The following SVEP1 variants were observed in gnomAD, a reference collection of about 807,000 sequenced individuals.
The protein encoded by SVEP1 is sushi, von Willebrand factor type A, EGF and pentraxin domain-containing protein 1.
A neutral mutation model predicts 367.3 loss-of-function variants in SVEP1; 164 were observed. The ratio of observed to expected loss-of-function variants is 0.45; its 90% CI spans 0.39 to 0.51. SVEP1 has a LOEUF of 0.51. Among genes scored for constraint, SVEP1 ranks in the 20% least tolerant of loss-of-function variants. The pLI is 0.00. For missense variants in SVEP1, 4,117 were observed against 4,425.3 expected, an observed-to-expected ratio of 0.93 and a Z score of 1.98; for synonymous variants, 1,666 against 1,611.6, an observed-to-expected ratio of 1.03 and a Z score of -0.81.
In SVEP1 at chr9:110,472,308, C is replaced by A; in HGVS notation, c.2615G>T (p.Gly872Val). The A allele has an allele frequency of 1.3e-6, 2 of 1,595,744 alleles. No individual in the cohort carries two copies. Among genetic ancestry groups the A allele is most frequent in the Non-Finnish European group, 1.7e-6 (2 of 1,174,342 alleles). ...AGAGTAATCCAGCCTATTAGCTGCA[C>A]CCCAGCCACCTGGTCCTGGATAGTC... ...NGFAIGPGGW[G>V]AANRLDYSYD... The change falls in exon 15 of 48, where the codon GGT (glycine) becomes GTT (valine). Residue 872 changes from glycine (G) to valine (V), a missense_variant. Transcript: ENST00000374469.
intron 40 of SVEP1, among the ~76,000 whole-genome samples, chr9:110,392,151 A>ATATATATC (rs1308038317): frequency 2.1e-5 from 3 of 146,000 alleles, no homozygotes; most frequent in African/African-American, 8.0e-5. Context: ...ATATATATAT[A>ATATATATC]TATCTCTTCT....
intron 36 of SVEP1, among the ~76,000 whole-genome samples, chr9:110,412,796 A>G (rs1027875417): frequency 2.0e-5 from 3 of 152,262 alleles, no homozygotes; most frequent in Non-Finnish European, 4.4e-5. Context: ...AGAAATGCTC[A>G]TCATCACTGG....
At chr9:110,566,937 C>G (rs1830500553) in intron 1 of SVEP1, among the ~76,000 whole-genome samples, 1 of 152,146 alleles carries the variant, frequency 6.6e-6, no homozygotes, top group South Asian at 2.1e-4. Flanking sequence ...TGAGATCCTT[C>G]CAAACACTTT....
intron 35 of SVEP1, 97 bp downstream of exon 35, chr9:110,429,046 G>T: frequency 9.6e-7 from 1 of 1,038,184 alleles, no homozygotes; most frequent in Non-Finnish European, 1.3e-6. Flanking sequence ...TCTAGCCTGA[G>T]TGTCACAGTG....
At chr9:110,571,121 C>T (rs1830558075) in intron 1 of SVEP1, among the ~76,000 whole-genome samples, 1 of 151,786 alleles carries the variant, frequency 6.6e-6, no homozygotes, top group Non-Finnish European at 1.5e-5. Flanking sequence ...GGATTACTGG[C>T]ATGTGCCACC....
intron 5 of SVEP1, 28 bp from the exon 6 acceptor site, chr9:110,503,245 C>A: frequency 1.3e-6 from 2 of 1,588,054 alleles, no homozygotes; most frequent in South Asian, 1.2e-5. Flanking sequence ...AATTAGATCA[C>A]ATTTTGCTAA....
At chr9:110,428,190 C>G (rs571284153) in intron 35 of SVEP1, among the ~76,000 whole-genome samples, 1 of 152,274 alleles carries the variant, frequency 6.6e-6, no homozygotes, top group East Asian at 1.9e-4. Context: ...GGCATTTGAA[C>G]CATGCTGCCC....
chr9:110,579,056 C>A lies in SVEP1; in HGVS notation c.488G>T (p.Arg163Leu). ...LLQEIPAISY[R>L]GGGTYTKGAF... ...GCCCTTGGTGTAGGTGCCGCCACCT[C>A]GGTAGGAGATGGCAGGGATCTCTTG... is the stretch of plus-strand genomic sequence containing the variant. The change falls in exon 1 of 48, where the codon CGA becomes CTA. Residue 163 changes from arginine to leucine, a missense_variant. Arg to Leu is a moderately radical substitution (Grantham distance 102). Transcript: ENST00000374469. The surrounding 1 kb of genome is among the most constrained non-coding windows in gnomAD (Gnocchi z 5.3). 6.5e-7 allele frequency: 1 copy of A among 1,550,076 alleles called. No homozygotes were observed. Among genetic ancestry groups the A allele is most frequent in the Non-Finnish European group, 8.7e-7 (1 of 1,146,920 alleles).
At chr9:110,471,663 A>AT in intron 15 of SVEP1, 66 bp from the exon 16 acceptor site, 2 of 1,212,220 alleles carry the variant, frequency 1.6e-6, no homozygotes, top group Non-Finnish European at 2.3e-6. Flanking sequence ...TTTGTAGTTA[A>AT]TTTTTTACCA....
intron 40 of SVEP1, among the ~76,000 whole-genome samples, chr9:110,390,012 A>AGTGTGT (rs138667082): frequency 2.1e-4 from 24 of 115,590 alleles, no homozygotes; most frequent in African/African-American, 5.6e-4. Flanking sequence ...TATACACATA[A>AGTGTGT]GTGTGTGTGT....
intron 46 of SVEP1, among the ~76,000 whole-genome samples, chr9:110,372,260 G>A (rs1237759185): frequency 6.6e-6 from 1 of 152,148 alleles, no homozygotes; most frequent in Non-Finnish European, 1.5e-5. Flanking sequence ...TGTTGTCATA[G>A]CCCCTCTTAT....
intron 40 of SVEP1, among the ~76,000 whole-genome samples, chr9:110,389,866 G>C (rs1482734751): frequency 7.5e-6 from 1 of 132,768 alleles, no homozygotes; most frequent in Non-Finnish European, 1.7e-5. Context: ...CTGTAGCTAA[G>C]ACTGACAAAG....
At chr9:110,563,127 T>C (rs748537433) in intron 1 of SVEP1, among the ~76,000 whole-genome samples, 86 of 152,338 alleles carry the variant, frequency 5.6e-4, no homozygotes, top group African/African-American at 1.8e-3. Context: ...CTGCAAAATT[T>C]TGTGGTAACT....
intron 3 of SVEP1, among the ~76,000 whole-genome samples, chr9:110,539,977 T>C (rs1483173886): frequency 6.6e-6 from 1 of 152,074 alleles, no homozygotes; most frequent in African/African-American, 2.4e-5. Context: ...ACAAATTGCT[T>C]AAGTTCTCAG....
intron 38 of SVEP1, among the ~76,000 whole-genome samples, 193 bp downstream of exon 38, chr9:110,405,967 A>G (rs1032989307): frequency 6.6e-6 from 1 of 152,234 alleles, no homozygotes; most frequent in African/African-American, 2.4e-5. Flanking sequence ...TGAAAAAAGT[A>G]TCGATTTATT....
At chr9:110,472,482 G>A (rs1235590464) in intron 14 of SVEP1, among the ~76,000 whole-genome samples, 159 bp from the exon 15 acceptor site, 1 of 152,052 alleles carries the variant, frequency 6.6e-6, no homozygotes, top group Non-Finnish European at 1.5e-5. Flanking sequence ...TATATATATT[G>A]TAATTTTTGA....
At chr9:110,511,488 C>CTTTTTTTTTTTTTT (rs199993986) in intron 5 of SVEP1, among the ~76,000 whole-genome samples, 6 of 77,574 alleles carry the variant, frequency 7.7e-5, no homozygotes, top group Non-Finnish European at 1.1e-4. Flanking sequence ...GTGTCAGTAC[C>CTTTTTTTTTTTTTT]TTTTTTTTTT....
intron 39 of SVEP1, among the ~76,000 whole-genome samples, chr9:110,401,676 T>G (rs1418141766): frequency 6.6e-6 from 1 of 151,670 alleles, no homozygotes; most frequent in Non-Finnish European, 1.5e-5. Context: ...AATATGTAGC[T>G]TTTAACAGTT....
chr9:110,405,824 A>C (rs1827945948), intron 38 of SVEP1, among the ~76,000 whole-genome samples: 1 of 152,218 alleles, frequency 6.6e-6, no homozygotes, highest in Admixed American at 6.5e-5. Flanking sequence ...ATCATAAAGA[A>C]ATTTACTATC....
Sources: allele counts gnomAD v4.1 joint callset (sites outside exome capture counted in the v4.1 genomes callset), GRCh38; gene constraint gnomAD v4.1.1; non-coding constraint Gnocchi (gnomAD v3.1); transcripts MANE v1.5; gene names NCBI Gene and HGNC (gene_info 2026-07-23, HGNC 2026-07-21).